The following PUM1 variants were observed in gnomAD, a reference collection of about 807,000 sequenced individuals.
PUM1 encodes the protein pumilio homolog 1.
PUM1 carries 13 observed loss-of-function variants against 131.8 expected under a neutral mutation model. The observed-to-expected ratio is 0.10, with a 90% confidence interval of 0.06 to 0.16. The LOEUF is 0.16. Among genes scored for constraint, PUM1 ranks in the 10% least tolerant of loss-of-function variants. The pLI, the probability that PUM1 is intolerant of heterozygous loss-of-function variation, is 1.00. For missense variants in PUM1, 961 were observed against 1,512.4 expected, an observed-to-expected ratio of 0.64 and a Z score of 6.05; for synonymous variants, 509 against 556.5, an observed-to-expected ratio of 0.91 and a Z score of 1.20.
intron 10 of PUM1, among the ~76,000 whole-genome samples, chr1:30,971,541 C>G (rs191412707): frequency 3.3e-5 from 5 of 152,264 alleles, no homozygotes; most frequent in African/African-American, 1.2e-4. Context: ...TAGTTAACGG[C>G]AGAAGAAACA....
chr1:31,046,888 G>C (rs1226916788), intron 2 of PUM1, among the ~76,000 whole-genome samples: 1 of 151,952 alleles, frequency 6.6e-6, no homozygotes, highest in African/African-American at 2.4e-5. Context: ...TTACATGGAG[G>C]TGTAAGATTA....
intron 11 of PUM1, 72 bp downstream of exon 11, chr1:30,968,282 C>T (rs918755289): frequency 2.5e-6 from 4 of 1,589,526 alleles, no homozygotes; most frequent in South Asian, 1.1e-5. Flanking sequence ...ACTGCTCATT[C>T]CCCTCTGTAA....
intron 17 of PUM1, among the ~76,000 whole-genome samples, chr1:30,947,236 T>C (rs1639713849): frequency 6.6e-6 from 1 of 152,172 alleles, no homozygotes; most frequent in Admixed American, 6.5e-5. Flanking sequence ...AACAATACAT[T>C]ATCCTGAACA....
intron 5 of PUM1, among the ~76,000 whole-genome samples, chr1:30,999,817 TATAATAGTA>T (rs1642139574): frequency 6.6e-6 from 1 of 152,138 alleles, no homozygotes; most frequent in Non-Finnish European, 1.5e-5. Flanking sequence ...ACAAATGTAA[TATAATAGTA>T]ATAAAGAGAC....
At chr1:31,053,506 T>A (rs1644162920) in intron 2 of PUM1, among the ~76,000 whole-genome samples, 1 of 143,638 alleles carries the variant, frequency 7.0e-6, no homozygotes, top group South Asian at 2.5e-4. Flanking sequence ...GGGTCTCAAC[T>A]CTGTCACCCA....
chr1:30,981,216 T>C (rs932615569), intron 8 of PUM1, 96 bp downstream of exon 8: 1 of 726,160 alleles, frequency 1.4e-6, no homozygotes, highest in Admixed American at 3.2e-5. Flanking sequence ...GTCTGAACTT[T>C]TATAATCAGT....
chr1:30,990,194 TG>T (rs1641733192), intron 7 of PUM1, among the ~76,000 whole-genome samples: 1 of 152,218 alleles, frequency 6.6e-6, no homozygotes, highest in Admixed American at 6.5e-5. Context: ...ATAATAGGGA[TG>T]GGGGAAAGTC....
rs368239679 is a variant in PUM1 at position 31,042,780 on chromosome 1, TAA to T, written c.364-13918_364-13917del. ...ACACTGAACTTAAAGACCATTTTCT[TAA>T]AAGACAGGGTCTCGCTCTGTTGCCC... On this transcript the variant is annotated intron_variant, in intron 2 of 21. Coordinates refer to ENST00000426105, the MANE Select transcript of PUM1 (RefSeq NM_001020658.2). 7.6e-4 allele frequency among the ~76,000 whole-genome samples: 116 copies of T among 152,350 alleles called. 1 individual carries two copies. The highest frequency in any genetic ancestry group is 2.6e-3 in the African/African-American group (110 of 41,586).
At chr1:30,956,920 A>G (rs1175756582) in intron 14 of PUM1, among the ~76,000 whole-genome samples, 5 of 152,148 alleles carry the variant, frequency 3.3e-5, no homozygotes, top group Admixed American at 1.3e-4. Context: ...TCTTTGTTGG[A>G]TGTTCTGTTA....
At chr1:31,056,824 C>T (rs1163824870) in intron 2 of PUM1, among the ~76,000 whole-genome samples, 1 of 151,716 alleles carries the variant, frequency 6.6e-6, no homozygotes, top group Non-Finnish European at 1.5e-5. Context: ...GATGGAGTTT[C>T]ACCCATTGCC....
intron 5 of PUM1, among the ~76,000 whole-genome samples, chr1:31,001,285 C>T (rs1232863560): frequency 6.6e-6 from 1 of 152,144 alleles, no homozygotes; most frequent in African/African-American, 2.4e-5. Flanking sequence ...ACAAGAATCA[C>T]TTGAACCCAG....
intron 7 of PUM1, among the ~76,000 whole-genome samples, chr1:30,991,495 C>T (rs1641790689): frequency 6.6e-6 from 1 of 152,146 alleles, no homozygotes; most frequent in Admixed American, 6.5e-5. Flanking sequence ...TAATAATCTC[C>T]AAAGACCATA....
rs542801191 is a variant in PUM1, at chr1:31,062,472, T to C, written c.-11-2895A>G. Among the ~76,000 whole-genome samples, 14 of 151,944 alleles carry C rather than the reference T, an allele frequency of 9.2e-5. No individual in the cohort carries two copies. The South Asian group carries it at 2.9e-3, about 32-fold the overall frequency. ...CCGTCTCTACTAAAAATATAAAAAG[T>C]AGCCAGGTGTGGTGGCACGCACCTG... On this transcript the variant is annotated intron_variant, in intron 1 of 21. Coordinates refer to ENST00000426105, the MANE Select transcript of PUM1 (RefSeq NM_001020658.2).
chr1:31,033,555 G>A lies in PUM1; in HGVS notation c.364-4691C>T, dbSNP rs556086740. 1.1e-4 allele frequency among the ~76,000 whole-genome samples: 16 copies of A among 151,882 alleles called. No individual in the cohort carries two copies. In the East Asian group the frequency reaches 2.9e-3, roughly 28 times the overall value. Reference sequence around the variant, plus strand: ...AATTTTCATATTTTTTGAAGAAGACGAGGTTTTACCATGTTGCCCAGGCAG... The same window carrying A: ...AATTTTCATATTTTTTGAAGAAGACAAGGTTTTACCATGTTGCCCAGGCAG... On this transcript the variant is annotated intron_variant, in intron 2 of 21. Transcript: ENST00000426105.
At chr1:30,996,440 C>T (rs1015299413) in intron 5 of PUM1, among the ~76,000 whole-genome samples, 1 of 152,190 alleles carries the variant, frequency 6.6e-6, no homozygotes, top group African/African-American at 2.4e-5. Flanking sequence ...CCAACAGATG[C>T]TCTTAAGAGA....
intron 2 of PUM1, among the ~76,000 whole-genome samples, chr1:31,031,929 T>G (rs1643445950): frequency 6.6e-6 from 1 of 152,060 alleles, no homozygotes; most frequent in South Asian, 2.1e-4. Flanking sequence ...TCCCTCTCTT[T>G]TTCTCTCTAC....
chr1:30,942,963 C>T (rs1038222245), intron 18 of PUM1, among the ~76,000 whole-genome samples: 3 of 151,974 alleles, frequency 2.0e-5, no homozygotes, highest in Admixed American at 2.0e-4. Context: ...GCTATGTTGC[C>T]CAGGCTGTTC....
intron 5 of PUM1, 81 bp downstream of exon 5, chr1:31,005,772 T>A (rs1329717002): frequency 7.3e-7 from 1 of 1,368,274 alleles, no homozygotes; most frequent in African/African-American, 1.5e-5. Flanking sequence ...AACAGGCATG[T>A]TTTGCTTTAG....
At chr1:30,997,826 T>A (rs1382394502) in intron 5 of PUM1, among the ~76,000 whole-genome samples, 1 of 152,012 alleles carries the variant, frequency 6.6e-6, no homozygotes, top group African/African-American at 2.4e-5. Flanking sequence ...TGCCTCAGCC[T>A]CCCCAGTAGC....
Sources: gnomAD v4.1 joint callset for allele counts (sites outside exome capture counted in the v4.1 genomes callset) on GRCh38, gnomAD v4.1.1 for gene constraint, MANE v1.5 for transcripts, NCBI Gene and HGNC (gene_info 2026-07-23, HGNC 2026-07-21) for gene names.